Variants in SPHKAP observed in about 807,000 individuals in gnomAD.
SPHKAP encodes SPHK1 interactor, AKAP domain containing, also known as A-kinase anchor protein SPHKAP.
SPHKAP carries 67 observed loss-of-function variants against 137.5 expected under a neutral mutation model. That is an observed-to-expected ratio of 0.49 (90% CI 0.40 to 0.60). The LOEUF is 0.60. SPHKAP is among the 20% of genes least tolerant of loss of function. SPHKAP has a pLI of 0.00. For synonymous variants in SPHKAP, 813 were observed against 785.3 expected (o/e 1.04, Z -0.59); for missense variants, 2,097 against 2,069.3 (o/e 1.01, Z -0.26).
At position 228,089,301 on chromosome 2, in the gene SPHKAP, A is replaced by G. The variant is rs74864907; in HGVS notation, c.246+19531T>C. ...GGACTTGTGAAAGTATGAACTTAAG[A>G]GTGATGATGTAGGGTATCTGACAGA... On this transcript the variant is annotated intron_variant, in intron 3 of 11. Coordinates refer to ENST00000392056, the MANE Select transcript of SPHKAP (RefSeq NM_001142644.2). Among the ~76,000 whole-genome samples, 400 of 152,350 alleles carry G rather than the reference A, an allele frequency of 2.6e-3. 17 individuals carry two copies. In the East Asian group the frequency reaches 0.066, roughly 25 times the overall value.
chr2:228,046,474 A>C (rs1057303877), intron 3 of SPHKAP, among the ~76,000 whole-genome samples: 1 of 152,028 alleles, frequency 6.6e-6, no homozygotes, highest in Non-Finnish European at 1.5e-5. Flanking sequence ...GTGGTGAATA[A>C]ATTTTGCACT....
Position 227,990,993 on chromosome 2 carries a change from A to C in SPHKAP, c.4959+7T>G. The C allele has an allele frequency of 1.9e-6, 3 of 1,613,506 alleles. No homozygotes were observed. Among genetic ancestry groups the C allele is most frequent in the Non-Finnish European group, 2.5e-6 (3 of 1,179,574 alleles). On this transcript the variant is annotated splice_region_variant and intron_variant, in intron 11 of 11. Transcript: ENST00000392056. Reference sequence around the variant, plus strand: ...CTTTCTTGTTTTCCAAACCTGGTACATGATACCTTTTCAATTCTGTTTTCC... The same window carrying C: ...CTTTCTTGTTTTCCAAACCTGGTACCTGATACCTTTTCAATTCTGTTTTCC...
chr2:228,140,525 T>C (rs1055594614), intron 1 of SPHKAP, among the ~76,000 whole-genome samples: 2 of 152,126 alleles, frequency 1.3e-5, no homozygotes, highest in Admixed American at 1.3e-4. Flanking sequence ...CTCTATAGTG[T>C]GCTTTACATA....
Position 228,108,887 on chromosome 2 carries a change from T to C in SPHKAP, c.191A>G (p.Gln64Arg). ...LESTDYWLQN[Q>R]RMPCQIGFVE... ...AAAACCAATTTGGCAGGGCATCCTC[T>C]GATTCTGCAACCAGTAGTCTGTTGA... The change falls in exon 3 of 12, where the codon CAG becomes CGG. Residue 64 changes from glutamine (Q) to arginine (R), a missense_variant. Gln to Arg is a conservative substitution (Grantham distance 43). Coordinates refer to ENST00000392056, the MANE Select transcript of SPHKAP (RefSeq NM_001142644.2). 1 of 1,610,436 alleles carries C rather than the reference T, an allele frequency of 6.2e-7. No homozygotes were observed. The highest frequency in any genetic ancestry group is 2.2e-5 in the East Asian group (1 of 44,464).
In SPHKAP at chr2:228,019,001, C is replaced by A. The variant is rs1265694169; in HGVS notation, c.1853G>T (p.Gly618Val). The change falls in exon 7 of 12, where the codon GGA becomes GTA. Residue 618 changes from glycine to valine, a missense_variant. Transcript: ENST00000392056. Reference protein sequence around the residue: ...MELGKEAIAKGLLKEAALVLT... With the variant: ...MELGKEAIAKVLLKEAALVLT... The stretch of plus-strand genomic sequence containing the variant: ...AACCAGAGCAGCCTCCTTGAGCAAT[C>A]CCTTGGCAATGGCTTCCTTGCCAAG... 4 of 1,613,982 alleles carry A rather than the reference C, an allele frequency of 2.5e-6. No individual in the cohort carries two copies. In the South Asian group the frequency reaches 3.3e-5, roughly 13 times the overall value.
chr2:228,005,049 T>C (rs1041036878), intron 7 of SPHKAP, among the ~76,000 whole-genome samples: 22 of 152,218 alleles, frequency 1.4e-4, no homozygotes, highest in Middle Eastern at 3.4e-3. Context: ...GGGTGGAGAG[T>C]TCTCTAGATG....
At chr2:228,111,037 C>T (rs1698502414) in intron 2 of SPHKAP, among the ~76,000 whole-genome samples, 1 of 151,644 alleles carries the variant, frequency 6.6e-6, no homozygotes, top group Non-Finnish European at 1.5e-5. Flanking sequence ...TCTTGAGGTC[C>T]CTAATATTTT....
chr2:228,123,535 A>G (rs1462691098), intron 2 of SPHKAP, among the ~76,000 whole-genome samples: 1 of 152,236 alleles, frequency 6.6e-6, no homozygotes, highest in Non-Finnish European at 1.5e-5. Flanking sequence ...AACAGCTTCT[A>G]CAAATACAGA....
At chr2:228,175,861 T>G (rs1431265449) in intron 1 of SPHKAP, among the ~76,000 whole-genome samples, 1 of 152,180 alleles carries the variant, frequency 6.6e-6, no homozygotes, top group Non-Finnish European at 1.5e-5. Context: ...AGGATATCTA[T>G]GCTAATATCA....
chr2:228,176,851 G>A (rs1336217737), intron 1 of SPHKAP, among the ~76,000 whole-genome samples: 2 of 152,176 alleles, frequency 1.3e-5, no homozygotes, highest in South Asian at 4.2e-4. Flanking sequence ...CTCCAGCCTG[G>A]GCAACAAGAG....
chr2:228,094,050 C>T (rs894448463), intron 3 of SPHKAP, among the ~76,000 whole-genome samples: 1 of 151,858 alleles, frequency 6.6e-6, no homozygotes, highest in Non-Finnish European at 1.5e-5. Flanking sequence ...GAATAACCAA[C>T]AATCTAAATA....
chr2:228,095,486 A>C (rs1047355811), intron 3 of SPHKAP, among the ~76,000 whole-genome samples: 2 of 152,160 alleles, frequency 1.3e-5, no homozygotes, highest in African/African-American at 4.8e-5. Context: ...GAAATAGCTA[A>C]TTTTCAGAAG....
At chr2:228,174,698 C>T (rs556534571) in intron 1 of SPHKAP, among the ~76,000 whole-genome samples, 1 of 152,102 alleles carries the variant, frequency 6.6e-6, no homozygotes, top group South Asian at 2.1e-4. Context: ...AAAAACACTT[C>T]CAAGGGATGA....
intron 3 of SPHKAP, among the ~76,000 whole-genome samples, chr2:228,059,883 A>C (rs1329796829): frequency 1.3e-5 from 2 of 152,196 alleles, no homozygotes; most frequent in Non-Finnish European, 2.9e-5. Flanking sequence ...AAGCTTCACA[A>C]TTTATCGCGC....
At chr2:228,035,850 T>A (rs1218812415) in intron 3 of SPHKAP, among the ~76,000 whole-genome samples, 4 of 152,182 alleles carry the variant, frequency 2.6e-5, no homozygotes, top group Non-Finnish European at 5.9e-5. Flanking sequence ...TGAAACTGGA[T>A]CCCTTCCTTA....
chr2:228,118,484 G>A (rs1698792669), intron 2 of SPHKAP, among the ~76,000 whole-genome samples: 1 of 151,852 alleles, frequency 6.6e-6, no homozygotes, highest in African/African-American at 2.4e-5. Flanking sequence ...TTCCACCAGC[G>A]AGGTATGAGA....
intron 4 of SPHKAP, 35 bp from the exon 5 acceptor site, chr2:228,025,563 T>C (rs755461788): frequency 6.2e-7 from 1 of 1,610,114 alleles, no homozygotes. Context: ...TTTAGCTGAT[T>C]TCTTTTCACC....
At position 228,092,320 on chromosome 2, in the gene SPHKAP, T is replaced by TACATACACACAC. The variant is rs1427373593; in HGVS notation, c.246+16511_246+16512insGTGTGTGTATGT. Among the ~76,000 whole-genome samples, 18 of 100,846 alleles carry TACATACACACAC rather than the reference T, an allele frequency of 1.8e-4. 1 individual carries two copies. Among genetic ancestry groups the TACATACACACAC allele is most frequent in the Admixed American group, 3.5e-4 (3 of 8,466 alleles). The allele number at this position is 100,846 out of a possible 152,430, so 66.2% of individuals were successfully genotyped here. On this transcript the variant is annotated intron_variant, in intron 3 of 11. Coordinates refer to ENST00000392056, the MANE Select transcript of SPHKAP (RefSeq NM_001142644.2). ...GCACACACACGTGTATGTGTGTGTA[T>TACATACACACAC]ACGTACACACACACGTGTATGTGTG...
In SPHKAP at chr2:228,018,528, T is replaced by C; in HGVS notation, c.2326A>G (p.Asn776Asp). 1 of 1,614,142 alleles carries C rather than the reference T, an allele frequency of 6.2e-7. No homozygotes were observed. Among genetic ancestry groups the C allele is most frequent in the South Asian group, 1.1e-5 (1 of 91,068 alleles). The change falls in exon 7 of 12, where the codon AAT becomes GAT. Residue 776 changes from asparagine (N) to aspartate (D), a missense_variant. Asn to Asp is a conservative substitution (Grantham distance 23). Transcript: ENST00000392056. ...ATGACAAGACTCGTGTTGTGTGAAT[T>C]GCTAAGTGGAGAGCTGCTGGAGGAT... The part of the protein sequence containing the change: ...TESSSSSPLS[N>D]SHNTSLVINN...
Sources: gnomAD v4.1 joint callset for allele counts (sites outside exome capture counted in the v4.1 genomes callset) on GRCh38, gnomAD v4.1.1 for gene constraint, MANE v1.5 for transcripts, NCBI Gene and HGNC (gene_info 2026-07-23, HGNC 2026-07-21) for gene names.